Variants in ZNF423 observed in about 807,000 individuals in gnomAD.
The protein encoded by ZNF423 is zinc finger protein 423.
A neutral mutation model predicts 95.8 loss-of-function variants in ZNF423; 12 were observed. The observed-to-expected ratio is 0.13, with a 90% CI of 0.08 to 0.20. ZNF423 has a LOEUF of 0.20. Ranked by LOEUF, ZNF423 falls within the 10% of genes least tolerant of loss-of-function variation. The probability of loss-of-function intolerance (pLI) is 1.00; values close to 1 mark genes in which losing one functional copy is unlikely to be tolerated. For missense variants in ZNF423, 1,316 were observed against 1,737.1 expected, an observed-to-expected ratio of 0.76 and a Z score of 4.31; for synonymous variants, 749 against 711.9, an observed-to-expected ratio of 1.05 and a Z score of -0.83.
In ZNF423 at chr16:49,638,465, G is replaced by A. The variant is rs16947744; in HGVS notation, c.711C>T (p.Arg237=). 1.7e-3 allele frequency: 2,762 copies of A among 1,613,888 alleles called. 49 individuals carry two copies. In the African/African-American group the frequency reaches 0.032, roughly 18 times the overall value. Residue 237 remains arginine, a synonymous_variant, in exon 4 of 8, where the codon CGC becomes CGT. Transcript: ENST00000563137. The surrounding 1 kb of genome is among the most constrained non-coding windows in gnomAD (Gnocchi z 5.6). ...GCAGCGAGCTGGTGGAGGAGAAGCC[G>A]CGCTTGCACACAGTGCACTTGAAGG... ...SKPFKCTVCK[R]GFSSTSSLQS...
intron 7 of ZNF423, among the ~76,000 whole-genome samples, chr16:49,502,888 GT>G (rs1242480458): frequency 2.9e-5 from 3 of 102,476 alleles, no homozygotes; most frequent in African/African-American, 4.6e-5. Context: ...ACACACATAG[GT>G]CCCCACAATC....
At chr16:49,605,267 C>T (rs1971502307) in intron 5 of ZNF423, among the ~76,000 whole-genome samples, 1 of 152,198 alleles carries the variant, frequency 6.6e-6, no homozygotes, top group South Asian at 2.1e-4. Flanking sequence ...CAGGCCTCCT[C>T]ACACCCAAGT....
intron 2 of ZNF423, among the ~76,000 whole-genome samples, chr16:49,766,872 A>T (rs1861334): frequency 0.16 from 24,412 of 152,202 alleles, 2,043 homozygotes; most frequent in South Asian, 0.26. Context: ...CAAGTCAAGT[A>T]CTAAGGTTAA....
Position 49,638,372 on chromosome 16 carries a change from C to T in ZNF423, c.804G>A (p.Lys268=). Reference sequence around the variant, plus strand: ...CGCAGTAGTCGCACATGAAGTCGTCCTTCTTGGCTTCCTTCTCCGACTTGG... The same window carrying T: ...CGCAGTAGTCGCACATGAAGTCGTCTTTCTTGGCTTCCTTCTCCGACTTGG... ...HLAKSEKEAK[K]DDFMCDYCED... is the part of the protein sequence containing the mutation. The change falls in exon 4 of 8, where the codon AAG becomes AAA. Residue 268 remains lysine, a synonymous_variant. Coordinates refer to ENST00000563137, the MANE Select transcript of ZNF423 (RefSeq NM_001379286.1). The surrounding 1 kb of genome is among the most constrained non-coding windows in gnomAD (Gnocchi z 5.6). The T allele has an allele frequency of 6.2e-7, 1 of 1,614,032 alleles. No homozygotes were observed. The highest frequency in any genetic ancestry group is 1.1e-5 in the South Asian group (1 of 91,080).
chr16:49,854,978 C>A (rs1368061742), intron 1 of ZNF423: 1 of 984,710 alleles, frequency 1.0e-6, no homozygotes, highest in Non-Finnish European at 1.2e-6. Context: ...GCGCCCTCCG[C>A]GGAGGGGCGC....
chr16:49,626,742 C>T (rs28461241), intron 4 of ZNF423, among the ~76,000 whole-genome samples: 118,392 of 148,164 alleles, frequency 0.8, 48,059 homozygotes, highest in African/African-American at 0.95. Context: ...CATCCATCCA[C>T]CTACATACAC....
At chr16:49,675,148 C>T (rs2030992723) in intron 3 of ZNF423, among the ~76,000 whole-genome samples, 1 of 152,208 alleles carries the variant, frequency 6.6e-6, no homozygotes, top group African/African-American at 2.4e-5. Context: ...GGTCTACTAA[C>T]ATGCTGTGTG....
At chr16:49,664,744 C>T (rs929301933) in intron 3 of ZNF423, among the ~76,000 whole-genome samples, 4 of 152,240 alleles carry the variant, frequency 2.6e-5, no homozygotes, top group African/African-American at 9.6e-5. Flanking sequence ...GGCCGGGCCA[C>T]AGCCAGGGCA....
intron 3 of ZNF423, among the ~76,000 whole-genome samples, chr16:49,712,531 G>A (rs1235832434): frequency 6.6e-6 from 1 of 152,232 alleles, no homozygotes; most frequent in Non-Finnish European, 1.5e-5. Context: ...ACTGCCCTCT[G>A]CAAAAGCAGT....
intron 3 of ZNF423, among the ~76,000 whole-genome samples, chr16:49,718,292 G>T (rs1353419036): frequency 1.3e-5 from 2 of 152,172 alleles, no homozygotes; most frequent in African/African-American, 4.8e-5. Context: ...GGTAATCCCA[G>T]CTACTCAGGA....
At chr16:49,521,614 A>C (rs575025602) in intron 7 of ZNF423, among the ~76,000 whole-genome samples, 1 of 152,302 alleles carries the variant, frequency 6.6e-6, no homozygotes, top group South Asian at 2.1e-4. Flanking sequence ...GCCTTTTGGA[A>C]GTGGAACCCC....
intron 7 of ZNF423, among the ~76,000 whole-genome samples, chr16:49,493,829 G>A (rs772234458): frequency 6.6e-5 from 10 of 152,184 alleles, no homozygotes; most frequent in Non-Finnish European, 1.2e-4. Context: ...TCCAAGTGGC[G>A]ATGCAGGCAC....
At chr16:49,773,511 A>T (rs1233763059) in intron 2 of ZNF423, among the ~76,000 whole-genome samples, 2 of 152,230 alleles carry the variant, frequency 1.3e-5, no homozygotes, top group Non-Finnish European at 2.9e-5. Flanking sequence ...ACCACATCGC[A>T]GGTTCCCTGA....
rs906753958 is a variant in ZNF423 at position 49,532,543 on chromosome 16, G to A, written c.3602-7049C>T. On this transcript the variant is annotated intron_variant, in intron 5 of 7. Transcript: ENST00000563137. The stretch of plus-strand genomic sequence containing the variant: ...TAAATGAGCTCTGGCAGCCTGAACC[G>A]GGCCCCACGGGGGACCCAGAGCCTC... 5.3e-5 allele frequency among the ~76,000 whole-genome samples: 8 copies of A among 152,184 alleles called. No homozygotes were observed. The East Asian group carries it at 7.7e-4, about 15-fold the overall frequency.
intron 3 of ZNF423, chr16:49,664,370 G>A: frequency 1.2e-6 from 1 of 844,828 alleles, no homozygotes; most frequent in Non-Finnish European, 1.4e-6. Flanking sequence ...AAGGGGCTGG[G>A]AAAAGGCACA....
rs1972852088 is a variant in ZNF423, at chr16:49,638,611, G to A, written c.565C>T (p.Arg189Cys). ...CSRLFKHKRS[R>C]DRHIKLHTGD... is the part of the protein sequence containing the mutation. ...GTATGCAGCTTGATGTGCCGGTCAC[G>A]GCTCCTCTTGTGCTTGAAGAGGCGG... The change falls in exon 4 of 8, where the codon CGT (arginine) becomes TGT (cysteine). Residue 189 changes from arginine (R) to cysteine (C), a missense_variant. Arg to Cys is a radical substitution (Grantham distance 180, BLOSUM62 -3). Transcript: ENST00000563137. The surrounding 1 kb of genome is among the most constrained non-coding windows in gnomAD (Gnocchi z 5.6). The A allele has an allele frequency of 9.3e-6, 15 of 1,613,904 alleles. No homozygotes were observed. The highest frequency in any genetic ancestry group is 1.2e-5 in the Non-Finnish European group (14 of 1,179,952).
chr16:49,855,055 T>C lies in ZNF423; in HGVS notation c.40+680A>G, dbSNP rs761453789. 1 of 982,330 alleles carries C rather than the reference T, an allele frequency of 1.0e-6. No individual in the cohort carries two copies. The highest frequency in any genetic ancestry group is 1.2e-6 in the Non-Finnish European group (1 of 828,852). 60.9% of individuals were successfully genotyped at this position (982,330 alleles called of 1,614,324 possible). On this transcript the variant is annotated intron_variant, in intron 1 of 7. Transcript: ENST00000563137. This position sits in a 1 kb window ranked among gnomAD's most constrained non-coding sequence, Gnocchi z 4.7. ...CGGCGCCGTGCAGACAATGAACTCC[T>C]GGCGGAGGCTCCCTGCCCGGTGGGC...
intron 3 of ZNF423, among the ~76,000 whole-genome samples, chr16:49,724,169 TC>T (rs1264386933): frequency 2.0e-5 from 3 of 152,140 alleles, no homozygotes; most frequent in Non-Finnish European, 4.4e-5. Context: ...TTCCCTGTCT[TC>T]CCCCCACCAT....
At chr16:49,614,999 C>T (rs1032584366) in intron 5 of ZNF423, among the ~76,000 whole-genome samples, 2 of 152,124 alleles carry the variant, frequency 1.3e-5, no homozygotes, top group Admixed American at 6.5e-5. Flanking sequence ...GGTGTGGTGA[C>T]GCTTGCCTGT....
Sources: gnomAD v4.1 joint callset for allele counts (sites outside exome capture counted in the v4.1 genomes callset) on GRCh38, gnomAD v4.1.1 for gene constraint, Gnocchi (gnomAD v3.1) non-coding constraint, MANE v1.5 for transcripts, NCBI Gene and HGNC (gene_info 2026-07-23, HGNC 2026-07-21) for gene names.